The following ZSCAN5A variants were observed in gnomAD, a reference collection of about 807,000 sequenced individuals.
ZSCAN5A encodes the protein zinc finger and SCAN domain-containing protein 5A.
In ZSCAN5A, 12 loss-of-function variants were observed where a neutral mutation model predicts 23.7. The observed-to-expected ratio is 0.51, with a 90% CI of 0.32 to 0.82. ZSCAN5A has a LOEUF of 0.82. Ranked by LOEUF, ZSCAN5A falls within the 40% of genes least tolerant of loss-of-function variation. ZSCAN5A has a pLI of 0.03. For missense variants in ZSCAN5A, 597 were observed against 617.9 expected, an observed-to-expected ratio of 0.97 and a Z score of 0.36; for synonymous variants, 257 against 239.9, an observed-to-expected ratio of 1.07 and a Z score of -0.66.
At chr19:56,260,042 AAAT>A (rs2037006291) in intron 2 of ZSCAN5A, among the ~76,000 whole-genome samples, 1 of 152,166 alleles carries the variant, frequency 6.6e-6, no homozygotes, top group Admixed American at 6.5e-5. Flanking sequence ...AAGTTAATAA[AAAT>A]AACAATGAAA....
At chr19:56,367,842 G>A (rs1004893527) in intron 1 of ZSCAN5A, 1 of 152,032 alleles carries the variant, frequency 6.6e-6, no homozygotes, top group African/African-American at 2.4e-5. Context: ...ACCTCACGGA[G>A]AATGGGCCTA....
intron 2 of ZSCAN5A, among the ~76,000 whole-genome samples, chr19:56,298,447 C>T (rs2040020529): frequency 6.6e-6 from 1 of 151,890 alleles, no homozygotes; most frequent in Admixed American, 6.6e-5. Context: ...ACCATCCCAC[C>T]CAACATGATG....
rs1028954069 is a variant in ZSCAN5A, at chr19:56,292,515, G to A, written c.-128+20768C>T. 1.5e-4 allele frequency among the ~76,000 whole-genome samples: 22 copies of A among 147,126 alleles called. No homozygotes were observed. The East Asian group carries it at 1.8e-3, about 12-fold the overall frequency. On this transcript the variant is annotated intron_variant, in intron 2 of 5. Coordinates refer to ENST00000683990, the MANE Select transcript of ZSCAN5A (RefSeq NM_001322064.3). ...GTTGCCAAGGCTGGTCTTCAATTCC[G>A]GGGCTCAAGCAATCCTCCTACCTCA...
intron 2 of ZSCAN5A, among the ~76,000 whole-genome samples, chr19:56,237,107 G>C (rs1229657597): frequency 2.0e-5 from 3 of 152,230 alleles, no homozygotes; most frequent in Non-Finnish European, 4.4e-5. Flanking sequence ...CCTCTTGCTG[G>C]AGCCCCGCTC....
At chr19:56,237,579 G>T (rs1048286586) in intron 2 of ZSCAN5A, among the ~76,000 whole-genome samples, 37 of 152,050 alleles carry the variant, frequency 2.4e-4, no homozygotes, top group Admixed American at 2.4e-3. Context: ...TTCGCTGTAC[G>T]TTGAAGAGCA....
intron 2 of ZSCAN5A, among the ~76,000 whole-genome samples, chr19:56,258,218 T>C (rs890733851): frequency 6.6e-6 from 1 of 152,218 alleles, no homozygotes; most frequent in Non-Finnish European, 1.5e-5. Context: ...TGAGGGGGTG[T>C]GGTTTCAGCA....
chr19:56,230,442 G>T (rs901079772), intron 2 of ZSCAN5A, among the ~76,000 whole-genome samples: 2 of 152,144 alleles, frequency 1.3e-5, no homozygotes, highest in Non-Finnish European at 2.9e-5. Context: ...GGTATACGTT[G>T]TGATGCAATC....
At position 56,224,997 on chromosome 19, in the gene ZSCAN5A, C is replaced by T. The variant is rs1302156262; in HGVS notation, c.50G>A (p.Arg17Lys). 6 of 1,613,664 alleles carry T rather than the reference C, an allele frequency of 3.7e-6. No homozygotes were observed. Among genetic ancestry groups the T allele is most frequent in the Non-Finnish European group, 5.1e-6 (6 of 1,179,824 alleles). Residue 17 changes from arginine (R) to lysine (K), a missense_variant, in exon 3 of 6, where the codon AGA becomes AAA. By Grantham distance (26) the Arg-to-Lys change is conservative (BLOSUM62 2). Transcript: ENST00000683990. ...AGACCGTGGCAGCTCCAACCCAGGT[C>T]TGTTGCAGGATTCTCCTAGACTCCA... The part of the protein sequence containing the change: ...SSWSLGESCN[R>K]PGLELPRSMA...
intron 2 of ZSCAN5A, among the ~76,000 whole-genome samples, chr19:56,287,616 A>C (rs2039223389): frequency 6.6e-6 from 1 of 152,218 alleles, no homozygotes; most frequent in African/African-American, 2.4e-5. Flanking sequence ...CCTGCCACGA[A>C]ACCAAGTACC....
At chr19:56,336,463 G>A (rs1158406864) in intron 2 of ZSCAN5A, among the ~76,000 whole-genome samples, 1 of 152,114 alleles carries the variant, frequency 6.6e-6, no homozygotes, top group Non-Finnish European at 1.5e-5. Context: ...CTCTGCATTG[G>A]TTATTCTAGA....
chr19:56,234,536 A>G (rs995022288), intron 2 of ZSCAN5A, among the ~76,000 whole-genome samples: 1 of 152,154 alleles, frequency 6.6e-6, no homozygotes, highest in Non-Finnish European at 1.5e-5. Flanking sequence ...AAAGACAGGC[A>G]GCCCGGCGCC....
intron 2 of ZSCAN5A, among the ~76,000 whole-genome samples, chr19:56,269,368 C>T (rs1471742392): frequency 6.6e-6 from 1 of 151,930 alleles, no homozygotes; most frequent in Non-Finnish European, 1.5e-5. Context: ...AGGAGGAAAC[C>T]GAGGCTCAGG....
intron 2 of ZSCAN5A, among the ~76,000 whole-genome samples, chr19:56,305,000 G>A (rs887564534): frequency 6.6e-6 from 1 of 152,142 alleles, no homozygotes; most frequent in South Asian, 2.1e-4. Flanking sequence ...TTACTTGCAA[G>A]CCACTGCCTG....
intron 2 of ZSCAN5A, chr19:56,282,909 T>C (rs189133876): frequency 1.3e-5 from 2 of 152,336 alleles, no homozygotes; most frequent in Admixed American, 1.3e-4. Flanking sequence ...GAGATAGCAA[T>C]CTGGAACAAG....
intron 1 of ZSCAN5A, chr19:56,365,566 G>A (rs1183339938): frequency 6.6e-6 from 1 of 152,192 alleles, no homozygotes; most frequent in Non-Finnish European, 1.5e-5. Context: ...CAAGGAGCTG[G>A]AAGTCCTCAC....
chr19:56,284,038 G>C, intron 2 of ZSCAN5A: 1 of 245,580 alleles, frequency 4.1e-6, no homozygotes, highest in Non-Finnish European at 6.5e-6. Flanking sequence ...ATGACCCCTT[G>C]TGGATTCTAC....
chr19:56,345,013 G>A (rs1324121886), intron 2 of ZSCAN5A, among the ~76,000 whole-genome samples: 1 of 151,890 alleles, frequency 6.6e-6, no homozygotes, highest in Non-Finnish European at 1.5e-5. Flanking sequence ...GCCGAGGCAG[G>A]AGAATGGTGT....
At chr19:56,278,290 T>G (rs903075786) in intron 2 of ZSCAN5A, among the ~76,000 whole-genome samples, 1 of 152,198 alleles carries the variant, frequency 6.6e-6, no homozygotes, top group Non-Finnish European at 1.5e-5. Context: ...CATGCCACCA[T>G]GCCTGGCTAA....
At chr19:56,244,074 A>T (rs555093818) in intron 2 of ZSCAN5A, 145 of 1,207,318 alleles carry the variant, frequency 1.2e-4, no homozygotes, top group Middle Eastern at 1.9e-4. Context: ...TCATGGGGTC[A>T]GGGAGGACCC....
Sources: gnomAD v4.1 joint callset for allele counts (sites outside exome capture counted in the v4.1 genomes callset) on GRCh38, gnomAD v4.1.1 for gene constraint, MANE v1.5 for transcripts, NCBI Gene and HGNC (gene_info 2026-07-23, HGNC 2026-07-21) for gene names.